The following PTPRM variants were observed in gnomAD, a reference collection of about 807,000 sequenced individuals.
PTPRM encodes protein tyrosine phosphatase receptor type M, also known as receptor-type tyrosine-protein phosphatase mu.
In PTPRM, 47 loss-of-function variants were observed where a neutral mutation model predicts 186.7. The observed-to-expected ratio is 0.25, with a 90% CI of 0.20 to 0.32. PTPRM has a LOEUF of 0.32. Among genes scored for constraint, PTPRM ranks in the 10% least tolerant of loss-of-function variants. PTPRM has a pLI of 1.00. For missense variants in PTPRM, 1,494 were observed against 1,865.0 expected (o/e 0.80, Z 3.66); for synonymous variants, 668 against 674.9 (o/e 0.99, Z 0.16).
chr18:7,649,217 A>G (rs2038637497), intron 1 of PTPRM, among the ~76,000 whole-genome samples: 1 of 152,168 alleles, frequency 6.6e-6, no homozygotes, highest in Non-Finnish European at 1.5e-5. Flanking sequence ...ACTCAGACAA[A>G]AAGATTCCTT....
At chr18:8,237,462 TC>T (rs1244130080) in intron 14 of PTPRM, among the ~76,000 whole-genome samples, 9 of 80,282 alleles carry the variant, frequency 1.1e-4, no homozygotes, top group African/African-American at 2.9e-4. Context: ...TTTTTTTTTT[TC>T]CTGAGACAGA....
intron 2 of PTPRM, among the ~76,000 whole-genome samples, chr18:7,780,697 G>A (rs922006553): frequency 1.1e-4 from 16 of 152,180 alleles, no homozygotes; most frequent in Non-Finnish European, 2.2e-4. Context: ...GAGGAGGCAG[G>A]CAGTCCACAG....
chr18:8,243,688 T>C (rs1395080365), intron 14 of PTPRM, among the ~76,000 whole-genome samples: 1 of 152,246 alleles, frequency 6.6e-6, no homozygotes, highest in Non-Finnish European at 1.5e-5. Context: ...ATGTTGACAA[T>C]AATTTCGTAA....
At chr18:8,121,335 T>C (rs2092164964) in intron 13 of PTPRM, among the ~76,000 whole-genome samples, 1 of 152,228 alleles carries the variant, frequency 6.6e-6, no homozygotes, top group African/African-American at 2.4e-5. Context: ...ACCCAGGCTG[T>C]TCCATGTAAA....
intron 11 of PTPRM, among the ~76,000 whole-genome samples, chr18:8,103,741 C>A (rs961909019): frequency 6.6e-6 from 1 of 152,324 alleles, no homozygotes; most frequent in South Asian, 2.1e-4. Context: ...CTTTTAATTT[C>A]CTTCAATAAC....
At chr18:7,738,394 A>G (rs922058732) in intron 1 of PTPRM, among the ~76,000 whole-genome samples, 6 of 152,016 alleles carry the variant, frequency 3.9e-5, no homozygotes, top group Non-Finnish European at 7.4e-5. Context: ...GGTCAGGTGA[A>G]TATGTTGGAT....
At chr18:7,761,355 A>G (rs951997795) in intron 1 of PTPRM, among the ~76,000 whole-genome samples, 2 of 152,234 alleles carry the variant, frequency 1.3e-5, no homozygotes, top group African/African-American at 4.8e-5. Context: ...TACACATAAT[A>G]TGTAATTATT....
At chr18:7,727,117 G>A in intron 1 of PTPRM, among the ~76,000 whole-genome samples, 1 of 152,088 alleles carries the variant, frequency 6.6e-6, no homozygotes, top group East Asian at 1.9e-4. Context: ...GACTTGAAAA[G>A]TAATGACTTC....
At chr18:7,938,967 G>C (rs368324675) in intron 5 of PTPRM, among the ~76,000 whole-genome samples, 146 of 152,262 alleles carry the variant, frequency 9.6e-4, no homozygotes, top group African/African-American at 3.4e-3. Context: ...GGGTTAACTT[G>C]GTTGTGGTCT....
At chr18:8,374,588 T>G (rs2095684095) in intron 24 of PTPRM, among the ~76,000 whole-genome samples, 1 of 152,146 alleles carries the variant, frequency 6.6e-6, no homozygotes, top group African/African-American at 2.4e-5. Context: ...GGATAAGGAA[T>G]TTGGGCTCCT....
At chr18:7,901,492 G>A (rs182437950) in intron 3 of PTPRM, among the ~76,000 whole-genome samples, 18 of 151,946 alleles carry the variant, frequency 1.2e-4, no homozygotes, top group South Asian at 4.1e-4. Context: ...TCAGGCTCCC[G>A]AGTAGCTGGG....
At chr18:7,797,238 C>G (rs1436863098) in intron 2 of PTPRM, among the ~76,000 whole-genome samples, 1 of 152,200 alleles carries the variant, frequency 6.6e-6, no homozygotes, top group African/African-American at 2.4e-5. Context: ...CCTGGCCTTG[C>G]CTGCCTCCCT....
At chr18:8,166,213 G>A (rs551030640) in intron 14 of PTPRM, among the ~76,000 whole-genome samples, 139 of 152,316 alleles carry the variant, frequency 9.1e-4, no homozygotes, top group African/African-American at 3.2e-3. Context: ...GCTCTGAGAA[G>A]TGGCTTGGCG....
intron 11 of PTPRM, among the ~76,000 whole-genome samples, chr18:8,096,880 G>A (rs1391412927): frequency 3.3e-5 from 5 of 152,212 alleles, no homozygotes. Context: ...AATTCCAAGA[G>A]ACTGATAAAG....
chr18:8,014,812 A>C (rs1459520569), intron 7 of PTPRM, among the ~76,000 whole-genome samples: 2 of 152,204 alleles, frequency 1.3e-5, no homozygotes, highest in Non-Finnish European at 2.9e-5. Flanking sequence ...ATGAAAAACC[A>C]GTGGGATTAT....
At chr18:8,009,134 A>G (rs1032251379) in intron 7 of PTPRM, among the ~76,000 whole-genome samples, 1 of 152,068 alleles carries the variant, frequency 6.6e-6, no homozygotes, top group African/African-American at 2.4e-5. Flanking sequence ...CAAACAAAGG[A>G]GCTTCTCCGA....
At chr18:7,797,668 T>A (rs2043735052) in intron 2 of PTPRM, among the ~76,000 whole-genome samples, 1 of 151,838 alleles carries the variant, frequency 6.6e-6, no homozygotes, top group Non-Finnish European at 1.5e-5. Flanking sequence ...CCTTCAAATG[T>A]GGGAAAGCAG....
intron 7 of PTPRM, among the ~76,000 whole-genome samples, chr18:8,064,376 T>TG (rs2088884639): frequency 9.0e-6 from 1 of 111,554 alleles, no homozygotes; most frequent in African/African-American, 3.1e-5. Context: ...TCTGTAAGAC[T>TG]ATTTTTTTTT....
intron 14 of PTPRM, among the ~76,000 whole-genome samples, chr18:8,201,538 C>T (rs548284049): frequency 1.9e-4 from 29 of 152,262 alleles, no homozygotes; most frequent in East Asian, 1.7e-3. Flanking sequence ...TAACAAAATA[C>T]GATAGACTGG....
Sources: gnomAD v4.1 joint callset for allele counts (sites outside exome capture counted in the v4.1 genomes callset) on GRCh38, gnomAD v4.1.1 for gene constraint, MANE v1.5 for transcripts, NCBI Gene and HGNC (gene_info 2026-07-23, HGNC 2026-07-21) for gene names.